ADCY7: variants seen among roughly 807,000 people sequenced by gnomAD.
ADCY7 encodes adenylate cyclase type 7.
ADCY7 carries 72 observed loss-of-function variants against 120.6 expected under a neutral mutation model. The observed-to-expected ratio is 0.60, with a 90% CI of 0.49 to 0.73. ADCY7 has a LOEUF of 0.73. Among genes scored for constraint, ADCY7 ranks in the 30% least tolerant of loss-of-function variants. The probability of loss-of-function intolerance (pLI) is 0.00; values close to 1 mark genes in which losing one functional copy is unlikely to be tolerated. For synonymous variants in ADCY7, 661 were observed against 628.0 expected, an observed-to-expected ratio of 1.05 and a Z score of -0.78; for missense variants, 1,227 against 1,486.0, an observed-to-expected ratio of 0.83 and a Z score of 2.87.
At chr16:50,246,131 C>T (rs966170165), upstream of ADCY7, 4 of 149,588 alleles carry the variant, frequency 2.7e-5, no homozygotes, top group Non-Finnish European at 6.0e-5. Context: ...TCCCCGCCCG[C>T]GGTGAGTGCC....
rs1334672148 is a variant in ADCY7 at position 50,316,493 on chromosome 16, T to C, written c.*988T>C. ...GGAATGGAGTCTGTTTAGAGACAACTTGGACAACCTGTGAGTGCATCTCTT... is the reference window on the plus strand; with the variant it reads ...GGAATGGAGTCTGTTTAGAGACAACCTGGACAACCTGTGAGTGCATCTCTT... On this transcript the variant is annotated 3_prime_UTR_variant, in exon 26 of 26. Coordinates refer to ENST00000673801, the MANE Select transcript of ADCY7 (RefSeq NM_001114.5). 1.3e-5 allele frequency: 2 copies of C among 152,382 alleles called. No individual in the cohort carries two copies. Among genetic ancestry groups the C allele is most frequent in the Admixed American group, 6.5e-5 (1 of 15,280 alleles). The allele number at this position is 152,382 out of a possible 1,614,324, so 9.4% of individuals were successfully genotyped here.
At chr16:50,307,995 CAAA>C (rs34191947) in intron 15 of ADCY7, among the ~76,000 whole-genome samples, 1 of 64,890 alleles carries the variant, frequency 1.5e-5, no homozygotes, top group African/African-American at 6.8e-5. Context: ...GACTCCATCT[CAAA>C]AAAAAAAAAA....
rs535361738 is a variant in ADCY7, at chr16:50,313,205, C to G, written c.2751+169C>G. 9 of 834,582 alleles carry G rather than the reference C, an allele frequency of 1.1e-5. No individual in the cohort carries two copies. In the East Asian group the frequency reaches 2.8e-4, roughly 26 times the overall value. The allele number at this position is 834,582 out of a possible 1,614,324, so 51.7% of individuals were successfully genotyped here. A position where few individuals can be genotyped will look rare whatever the true frequency, so the allele number is the denominator to read the frequency against. ...GTCAAGGTGGGTGGATCACTTGAGG[C>G]TAGGAGTTCGAGACCAGCCTGGCCA... On this transcript the variant is annotated intron_variant, in intron 22 of 25. Transcript: ENST00000673801.
In ADCY7 at chr16:50,288,077, C is replaced by T. The variant is rs2034692012; in HGVS notation, c.-103C>T. The T allele has an allele frequency of 7.2e-7, 1 of 1,381,780 alleles. No individual in the cohort carries two copies. Among genetic ancestry groups the T allele is most frequent in the Non-Finnish European group, 9.6e-7 (1 of 1,040,828 alleles). The allele number at this position is 1,381,780 out of a possible 1,614,324, so 85.6% of individuals were successfully genotyped here. Reference sequence around the variant, plus strand: ...CCCTGCTTGCCTGCCTCGGAGAGGACAGAGGCCTAGGCCCACGGGGGAGGG... The same window carrying T: ...CCCTGCTTGCCTGCCTCGGAGAGGATAGAGGCCTAGGCCCACGGGGGAGGG... On this transcript the variant is annotated 5_prime_UTR_variant, in exon 2 of 26. Coordinates refer to ENST00000673801, the MANE Select transcript of ADCY7 (RefSeq NM_001114.5).
rs1485597088 is a variant in ADCY7, at chr16:50,293,359, C to A, written c.693C>A (p.Asn231Lys). 1 of 1,612,884 alleles carries A rather than the reference C, an allele frequency of 6.2e-7. No homozygotes were observed. The highest frequency in any genetic ancestry group is 8.5e-7 in the Non-Finnish European group (1 of 1,179,220). ...KLRIEKRQQENLLLSVLPAHI... is the reference protein window; with the variant it reads ...KLRIEKRQQEKLLLSVLPAHI... ...GTCTGCCCACCCACACCCAGGAGAA[C>A]CTGCTGCTGTCAGTGCTTCCGGCCC... The change falls in exon 6 of 26, where the codon AAC (asparagine) becomes AAA (lysine). Residue 231 changes from asparagine (N) to lysine (K), a missense_variant. This residue lies in a region of ADCY7 where 382 missense variants were observed against 411.4 expected (regional missense o/e 0.93). Coordinates refer to ENST00000673801, the MANE Select transcript of ADCY7 (RefSeq NM_001114.5).
At chr16:50,314,745 A>G (rs993536840) in intron 24 of ADCY7, 2 of 455,884 alleles carry the variant, frequency 4.4e-6, no homozygotes, top group African/African-American at 2.0e-5. Flanking sequence ...TACTTTTAAC[A>G]AAGTATTCTT....
At position 50,314,039 on chromosome 16, in the gene ADCY7, G is replaced by A. The variant is rs150764665; in HGVS notation, c.2833G>A (p.Val945Ile). 1.6e-5 allele frequency: 26 copies of A among 1,614,014 alleles called. No homozygotes were observed. The highest frequency in any genetic ancestry group is 2.7e-5 in the African/African-American group (2 of 74,928). Residue 945 changes from valine (V) to isoleucine (I), a missense_variant, in exon 23 of 26, where the codon GTC (valine) becomes ATC (isoleucine). Around this residue, in one of 5 missense-constraint regions of ADCY7, gnomAD observed 244 missense variants for 332.8 expected, o/e 0.73. Coordinates refer to ENST00000673801, the MANE Select transcript of ADCY7 (RefSeq NM_001114.5). ...GTACATGGCAGCTGCAGGGCTCAGC[G>A]TCGCCTCAGGGCACGAGAACCAGGT... ...STYMAAAGLS[V>I]ASGHENQELE...
chr16:50,305,021 T>A, intron 12 of ADCY7, 62 bp downstream of exon 12: 2 of 1,595,588 alleles, frequency 1.3e-6, no homozygotes, highest in Non-Finnish European at 1.7e-6. Context: ...CAGGCTGCCC[T>A]GAGCAGCCTC....
Position 50,288,194 on chromosome 16 carries a change from G to A in ADCY7, c.15G>A (p.Gly5=). MPAK[G]RYFLNEGEEG... Reference sequence around the variant, plus strand: ...AAGGGTGGAGGATGCCAGCCAAGGGGCGCTACTTCCTCAACGAGGGCGAGG... The same window carrying A: ...AAGGGTGGAGGATGCCAGCCAAGGGACGCTACTTCCTCAACGAGGGCGAGG... Residue 5 remains glycine (G), a synonymous_variant, in exon 2 of 26, where the codon GGG becomes GGA. Coordinates refer to ENST00000673801, the MANE Select transcript of ADCY7 (RefSeq NM_001114.5). The A allele has an allele frequency of 6.5e-7, 1 of 1,550,174 alleles. No individual in the cohort carries two copies.
intron 1 of ADCY7, among the ~76,000 whole-genome samples, chr16:50,278,986 C>G (rs1257788087): frequency 6.6e-6 from 1 of 152,018 alleles, no homozygotes; most frequent in East Asian, 1.9e-4. Flanking sequence ...ATTCTCATGC[C>G]TCAGCCTCGC....
intron 23 of ADCY7, 24 bp from the exon 24 acceptor site, chr16:50,314,268 T>C (rs1315978695): frequency 6.2e-7 from 1 of 1,608,620 alleles, no homozygotes; most frequent in South Asian, 1.1e-5. Context: ...GATGCAAGGA[T>C]CTGACCCACA....
chr16:50,278,295 C>T (rs2034029343), intron 1 of ADCY7, among the ~76,000 whole-genome samples: 1 of 152,316 alleles, frequency 6.6e-6, no homozygotes, highest in African/African-American at 2.4e-5. Flanking sequence ...CCTGACTCAG[C>T]CTACCTAAGT....
chr16:50,276,987 G>A (rs1465082939), intron 1 of ADCY7, among the ~76,000 whole-genome samples: 2 of 151,984 alleles, frequency 1.3e-5, no homozygotes, highest in African/African-American at 4.8e-5. Context: ...ACTGACAATA[G>A]GAATAGAAAC....
chr16:50,278,833 A>G (rs1436076123), intron 1 of ADCY7, among the ~76,000 whole-genome samples: 1 of 149,818 alleles, frequency 6.7e-6, no homozygotes, highest in Non-Finnish European at 1.5e-5. Context: ...TCTGGGTTGC[A>G]TCTGTCCATG....
At chr16:50,285,118 T>C (rs3826170) in intron 1 of ADCY7, among the ~76,000 whole-genome samples, 91,008 of 151,738 alleles carry the variant, frequency 0.6, 28,686 homozygotes, top group Middle Eastern at 0.74. Flanking sequence ...GGGCTGCAAA[T>C]ATTGAAAAAT....
chr16:50,252,819 T>G (rs2032797900), intron 1 of ADCY7, among the ~76,000 whole-genome samples: 1 of 152,140 alleles, frequency 6.6e-6, no homozygotes, highest in Non-Finnish European at 1.5e-5. Context: ...CAATTCACAT[T>G]TAGGTAATGA....
intron 6 of ADCY7, 117 bp from the exon 7 acceptor site, chr16:50,294,523 G>A (rs930693330): frequency 1.6e-6 from 1 of 644,638 alleles, no homozygotes; most frequent in South Asian, 1.9e-5. Flanking sequence ...GGAAGGACGG[G>A]GGTGAATGGG....
chr16:50,293,595 C>G (rs550534151), intron 6 of ADCY7, 93 bp downstream of exon 6: 1 of 1,454,978 alleles, frequency 6.9e-7, no homozygotes, highest in East Asian at 2.5e-5. Flanking sequence ...TCTGGAGGCT[C>G]AGACCCCTGC....
At position 50,291,762 on chromosome 16, in the gene ADCY7, C is replaced by T. The variant is rs1355534999; in HGVS notation, c.402C>T (p.Phe134=). The stretch of plus-strand genomic sequence containing the variant: ...TGCCCTTCTTCCTGTTCATTGTCTT[C>T]GTGGTGTACACACTACTGCCCTTCA... The part of the protein sequence containing the change: ...EQVPFFLFIV[F]VVYTLLPFSM... The change falls in exon 4 of 26, where the codon TTC becomes TTT. Residue 134 remains phenylalanine (F), a synonymous_variant. Coordinates refer to ENST00000673801, the MANE Select transcript of ADCY7 (RefSeq NM_001114.5). The T allele has an allele frequency of 3.7e-6, 6 of 1,614,138 alleles. No individual in the cohort carries two copies. Among genetic ancestry groups the T allele is most frequent in the East Asian group, 2.2e-5 (1 of 44,880 alleles).
Sources: gnomAD v4.1 joint callset for allele counts (sites outside exome capture counted in the v4.1 genomes callset) on GRCh38, gnomAD v4.1.1 for gene constraint, gnomAD v4.1.1 regional missense constraint, MANE v1.5 for transcripts, NCBI Gene and HGNC (gene_info 2026-07-23, HGNC 2026-07-21) for gene names.